Variants in PALD1 observed in about 807,000 individuals in gnomAD.
PALD1 encodes the protein paladin.
In PALD1, 57 loss-of-function variants were observed where a neutral mutation model predicts 96.0. That is an observed-to-expected ratio of 0.59 (90% CI 0.48 to 0.74). The LOEUF (loss-of-function observed/expected upper bound fraction) is 0.74, where lower values mean the gene tolerates loss of function less well. Ranked by LOEUF, PALD1 falls within the 30% of genes least tolerant of loss-of-function variation. PALD1 has a pLI of 0.00. For missense variants in PALD1, 1,063 were observed against 1,143.7 expected, an observed-to-expected ratio of 0.93 and a Z score of 1.02; for synonymous variants, 464 against 473.6, an observed-to-expected ratio of 0.98 and a Z score of 0.26.
intron 1 of PALD1, among the ~76,000 whole-genome samples, chr10:70,487,164 C>T (rs980529874): frequency 1.6e-5 from 2 of 127,020 alleles, no homozygotes; most frequent in South Asian, 2.4e-4. Flanking sequence ...GACAGAGTCT[C>T]GCTCTGTTGC....
chr10:70,559,794 G>T (rs981220265), intron 18 of PALD1, among the ~76,000 whole-genome samples: 1 of 152,122 alleles, frequency 6.6e-6, no homozygotes, highest in African/African-American at 2.4e-5. Context: ...ATGCTTTGTG[G>T]GTTTGGGCTG....
chr10:70,531,932 G>A (rs1432568512), intron 5 of PALD1, among the ~76,000 whole-genome samples: 3 of 149,564 alleles, frequency 2.0e-5, no homozygotes, highest in East Asian at 2.0e-4. Context: ...GCAGTGAGCC[G>A]AGATCACACT....
At chr10:70,547,165 A>G in intron 17 of PALD1, 141 bp from the exon 18 acceptor site, 1 of 729,120 alleles carries the variant, frequency 1.4e-6, no homozygotes, top group Non-Finnish European at 2.4e-6. Context: ...TCAGTCTGAG[A>G]ACTGAGGAGC....
intron 19 of PALD1, among the ~76,000 whole-genome samples, chr10:70,565,256 C>T (rs956419443): frequency 6.6e-6 from 1 of 152,324 alleles, no homozygotes; most frequent in African/African-American, 2.4e-5. Flanking sequence ...TGACCTAAGA[C>T]ACCTCCCTTG....
chr10:70,549,070 G>A (rs1244852626), intron 18 of PALD1, among the ~76,000 whole-genome samples: 4 of 145,190 alleles, frequency 2.8e-5, no homozygotes, highest in South Asian at 2.2e-4. Flanking sequence ...AAAAAAAAAG[G>A]TCTGTTAAAT....
chr10:70,507,034 C>T (rs1316380163), intron 1 of PALD1, among the ~76,000 whole-genome samples: 1 of 152,136 alleles, frequency 6.6e-6, no homozygotes, highest in Non-Finnish European at 1.5e-5. Flanking sequence ...TTTATTCTCA[C>T]AACACAGACA....
chr10:70,471,036 C>A, the PALD1 span, among the ~76,000 whole-genome samples: 1 of 151,388 alleles, frequency 6.6e-6, no homozygotes, highest in East Asian at 1.9e-4. Context: ...GCCAGGCTGG[C>A]TTCAAACTCC....
chr10:70,546,061 AC>A (rs1847355727), intron 17 of PALD1, among the ~76,000 whole-genome samples: 1 of 151,086 alleles, frequency 6.6e-6, no homozygotes, highest in Non-Finnish European at 1.5e-5. Flanking sequence ...ACATGGTGAA[AC>A]CCTGTCTCTA....
At chr10:70,511,454 G>A (rs965294205) in intron 1 of PALD1, among the ~76,000 whole-genome samples, 3 of 152,210 alleles carry the variant, frequency 2.0e-5, no homozygotes, top group African/African-American at 4.8e-5. Context: ...AAGGGGTCTT[G>A]TAAGGAAGGA....
intron 1 of PALD1, among the ~76,000 whole-genome samples, chr10:70,511,958 C>T (rs1328547423): frequency 1.3e-5 from 2 of 151,766 alleles, no homozygotes; most frequent in South Asian, 2.1e-4. Context: ...ACCTGGGAGG[C>T]GGAGGTTGCA....
At chr10:70,485,403 CTT>C (rs1377861628) in intron 1 of PALD1, 19 of 142,782 alleles carry the variant, frequency 1.3e-4, no homozygotes, top group South Asian at 4.4e-4. Flanking sequence ...GAGCAAACTT[CTT>C]TTTTTTTTTT....
the PALD1 span, among the ~76,000 whole-genome samples, chr10:70,459,969 G>A: frequency 6.6e-6 from 1 of 152,182 alleles, no homozygotes; most frequent in Non-Finnish European, 1.5e-5. Context: ...GTTCCATTGT[G>A]TGCCTCCTGC....
intron 19 of PALD1, among the ~76,000 whole-genome samples, chr10:70,565,162 C>G (rs1451889451): frequency 6.6e-6 from 1 of 152,196 alleles, no homozygotes; most frequent in African/African-American, 2.4e-5. Context: ...TTTACAGAGG[C>G]AGAGACTGAG....
chr10:70,477,008 T>C (rs1171174034), upstream of PALD1, among the ~76,000 whole-genome samples: 4 of 147,104 alleles, frequency 2.7e-5, no homozygotes, highest in South Asian at 4.4e-4. Context: ...TACATATATG[T>C]GCATGTATGT....
chr10:70,519,547 C>T (rs554398567), intron 1 of PALD1, among the ~76,000 whole-genome samples: 56 of 151,476 alleles, frequency 3.7e-4, no homozygotes, highest in Non-Finnish European at 7.4e-4. Flanking sequence ...AATACCATGA[C>T]CTTGGGGATT....
chr10:70,466,752 C>T, the PALD1 span, among the ~76,000 whole-genome samples: 52 of 152,170 alleles, frequency 3.4e-4, 1 homozygote, highest in South Asian at 7.1e-3. Context: ...TGTAAGAGAA[C>T]GTGAGAGAAT....
At position 70,566,978 on chromosome 10, in the gene PALD1, G is replaced by C; in HGVS notation, c.*245G>C. On this transcript the variant is annotated 3_prime_UTR_variant, in exon 20 of 20. Transcript: ENST00000263563. Reference sequence around the variant, plus strand: ...GACCTCCAGGGAGGAGCACTCACTGGAGTGCTCACAAGGTGCACACTGCTG... The same window carrying C: ...GACCTCCAGGGAGGAGCACTCACTGCAGTGCTCACAAGGTGCACACTGCTG... The C allele has an allele frequency of 1.9e-6, 1 of 513,430 alleles. No homozygotes were observed. The highest frequency in any genetic ancestry group is 3.4e-6 in the Non-Finnish European group (1 of 290,636). 31.8% of individuals were successfully genotyped at this position (513,430 alleles called of 1,614,324 possible). A position where few individuals can be genotyped will look rare whatever the true frequency, so the allele number is the denominator to read the frequency against.
rs117831463 is a variant in PALD1 at position 70,489,265 on chromosome 10, A to G, written c.-30+10206A>G. On this transcript the variant is annotated intron_variant, in intron 1 of 19. Coordinates refer to ENST00000263563, the MANE Select transcript of PALD1 (RefSeq NM_014431.3). ...CCTGGCCCCACCCCAACCCCAACCA[A>G]TGAGACTGCAGCCAGTGGGGTCCCA... Among the ~76,000 whole-genome samples, 261 of 152,242 alleles carry G rather than the reference A, an allele frequency of 1.7e-3. 10 individuals are homozygous for G. The South Asian group carries it at 0.05, about 29-fold the overall frequency.
rs758111272 is a variant in PALD1 at position 70,538,272 on chromosome 10, G to A, written c.1324-8G>A. ...CTGAATTCCTCGTCTCTCTGCCTCG[G>A]GCTGCAGTACCCGCTGGCCTTTGCC... On this transcript the variant is annotated splice_region_variant and splice_polypyrimidine_tract_variant and intron_variant, in intron 11 of 19. Coordinates refer to ENST00000263563, the MANE Select transcript of PALD1 (RefSeq NM_014431.3). The A allele has an allele frequency of 1.9e-6, 3 of 1,600,798 alleles. No homozygotes were observed. The highest frequency in any genetic ancestry group is 1.1e-5 in the South Asian group (1 of 91,052).
Sources: gnomAD v4.1 joint callset for allele counts (sites outside exome capture counted in the v4.1 genomes callset) on GRCh38, gnomAD v4.1.1 for gene constraint, MANE v1.5 for transcripts, NCBI Gene and HGNC (gene_info 2026-07-23, HGNC 2026-07-21) for gene names.